The following GABRB1 variants were observed in gnomAD, a reference collection of about 807,000 sequenced individuals.
GABRB1 encodes the protein gamma-aminobutyric acid receptor subunit beta-1.
A neutral mutation model predicts 51.6 loss-of-function variants in GABRB1; 17 were observed. The observed-to-expected ratio is 0.33, with a 90% CI of 0.23 to 0.49. GABRB1 has a LOEUF of 0.49. GABRB1 is among the 20% of genes least tolerant of loss of function. GABRB1 has a pLI of 0.99. For missense variants in GABRB1, 410 were observed against 600.6 expected (o/e 0.68, Z 3.32); for synonymous variants, 247 against 218.9 (o/e 1.13, Z -1.14).
intron 5 of GABRB1, among the ~76,000 whole-genome samples, chr4:47,372,921 T>TCA (rs1292878905): frequency 6.6e-6 from 1 of 152,182 alleles, no homozygotes; most frequent in Non-Finnish European, 1.5e-5. Flanking sequence ...CTCCCCATAC[T>TCA]CACACACTAC....
chr4:47,259,733 C>T (rs558455053), intron 4 of GABRB1, among the ~76,000 whole-genome samples: 1 of 152,164 alleles, frequency 6.6e-6, no homozygotes, highest in Non-Finnish European at 1.5e-5. Context: ...ATACTATAAA[C>T]TTCATATCTG....
At chr4:47,267,857 T>C (rs1722701459) in intron 4 of GABRB1, among the ~76,000 whole-genome samples, 1 of 151,800 alleles carries the variant, frequency 6.6e-6, no homozygotes, top group Non-Finnish European at 1.5e-5. Context: ...CTTTAATAGA[T>C]TGGAAAAAAA....
intron 3 of GABRB1, among the ~76,000 whole-genome samples, chr4:47,123,730 TC>T (rs1275703677): frequency 1.1e-5 from 1 of 87,582 alleles, no homozygotes; most frequent in Admixed American, 1.9e-4. Flanking sequence ...ATATGATATA[TC>T]ATATATTATT....
At chr4:47,091,836 C>T (rs1003221387) in intron 3 of GABRB1, among the ~76,000 whole-genome samples, 7 of 152,148 alleles carry the variant, frequency 4.6e-5, no homozygotes, top group African/African-American at 9.7e-5. Flanking sequence ...GGCTTTCTGC[C>T]CTCCACCACA....
intron 3 of GABRB1, among the ~76,000 whole-genome samples, chr4:47,107,801 C>T (rs745436150): frequency 1.1e-4 from 17 of 151,936 alleles, no homozygotes; most frequent in Admixed American, 5.9e-4. Flanking sequence ...CAAATATCCA[C>T]GGATTTTTCT....
intron 4 of GABRB1, among the ~76,000 whole-genome samples, chr4:47,198,191 T>C (rs1021968120): frequency 1.1e-4 from 17 of 152,122 alleles, no homozygotes; most frequent in Admixed American, 1.0e-3. Context: ...ATCTCTATAT[T>C]GGGGACAATG....
intron 4 of GABRB1, among the ~76,000 whole-genome samples, chr4:47,200,227 C>A (rs1053833694): frequency 2.6e-5 from 4 of 152,136 alleles, no homozygotes; most frequent in Non-Finnish European, 4.4e-5. Flanking sequence ...CCAGAAGGAA[C>A]AAACTGAAAC....
At chr4:47,078,988 T>C (rs1727700197) in intron 3 of GABRB1, among the ~76,000 whole-genome samples, 1 of 152,184 alleles carries the variant, frequency 6.6e-6, no homozygotes, top group Non-Finnish European at 1.5e-5. Context: ...GATAAGCTTT[T>C]TGATGTGCTG....
intron 4 of GABRB1, among the ~76,000 whole-genome samples, chr4:47,225,741 CT>C (rs1720924803): frequency 6.6e-6 from 1 of 152,066 alleles, no homozygotes; most frequent in Admixed American, 6.6e-5. Context: ...CTATCATTGC[CT>C]TTTTAAATTC....
intron 4 of GABRB1, among the ~76,000 whole-genome samples, chr4:47,215,104 T>C (rs1206224558): frequency 1.3e-5 from 2 of 152,092 alleles, no homozygotes; most frequent in Admixed American, 6.6e-5. Context: ...TGGTGGGACT[T>C]GTATAAGGAT....
intron 3 of GABRB1, among the ~76,000 whole-genome samples, chr4:47,070,992 C>A (rs555175508): frequency 6.6e-6 from 1 of 152,248 alleles, no homozygotes; most frequent in South Asian, 2.1e-4. Context: ...TCCTTATTCC[C>A]AGCCGCTACT....
chr4:47,245,280 T>C (rs1404835815), intron 4 of GABRB1, among the ~76,000 whole-genome samples: 1 of 152,296 alleles, frequency 6.6e-6, no homozygotes, highest in South Asian at 2.1e-4. Flanking sequence ...TATTTCCTAA[T>C]ATAACTTGCA....
chr4:47,350,758 C>A (rs1230226049), intron 5 of GABRB1, among the ~76,000 whole-genome samples: 2 of 152,078 alleles, frequency 1.3e-5, no homozygotes, highest in African/African-American at 2.4e-5. Context: ...ACCCTGATGA[C>A]ACGATGCAAA....
intron 4 of GABRB1, among the ~76,000 whole-genome samples, chr4:47,293,428 C>A (rs962078018): frequency 4.7e-4 from 72 of 152,088 alleles, no homozygotes; most frequent in African/African-American, 1.6e-3. Flanking sequence ...CATGAGCCAC[C>A]GTGCCTGGCC....
rs544712714 is a variant in GABRB1, at chr4:47,093,107, G to A, written c.240+60623G>A. ...TGATAATTCACATACAGAAATTTCT[G>A]GAGAAAATTTCCCTAAAAGATTCAT... On this transcript the variant is annotated intron_variant, in intron 3 of 8. Coordinates refer to ENST00000295454, the MANE Select transcript of GABRB1 (RefSeq NM_000812.4). Among the ~76,000 whole-genome samples, 44 of 152,210 alleles carry A rather than the reference G, an allele frequency of 2.9e-4. 1 individual carries two copies. The highest frequency in any genetic ancestry group is 1.0e-3 in the African/African-American group (42 of 41,528).
chr4:47,063,765 C>T (rs557040485), intron 3 of GABRB1, among the ~76,000 whole-genome samples: 1 of 152,196 alleles, frequency 6.6e-6, no homozygotes, highest in Non-Finnish European at 1.5e-5. Flanking sequence ...AGCCATTATC[C>T]TCAGCAAACT....
chr4:47,263,553 T>A (rs1429536732), intron 4 of GABRB1, among the ~76,000 whole-genome samples: 1 of 152,202 alleles, frequency 6.6e-6, no homozygotes, highest in Non-Finnish European at 1.5e-5. Flanking sequence ...TAGAGAATGC[T>A]GGTTAAACAC....
intron 3 of GABRB1, among the ~76,000 whole-genome samples, chr4:47,052,590 T>A (rs1577862845): frequency 1.3e-5 from 2 of 152,218 alleles, no homozygotes; most frequent in Admixed American, 6.5e-5. Context: ...TACTGTGGCC[T>A]TTAAAATATG....
intron 5 of GABRB1, among the ~76,000 whole-genome samples, chr4:47,355,424 CT>C (rs1330033357): frequency 1.3e-5 from 2 of 152,058 alleles, no homozygotes; most frequent in Non-Finnish European, 2.9e-5. Context: ...TCCACTGTGC[CT>C]TTCCAGACCT....
Sources: gnomAD v4.1 joint callset for allele counts (sites outside exome capture counted in the v4.1 genomes callset) on GRCh38, gnomAD v4.1.1 for gene constraint, MANE v1.5 for transcripts, NCBI Gene and HGNC (gene_info 2026-07-23, HGNC 2026-07-21) for gene names.